NLN: variants seen among roughly 807,000 people sequenced by gnomAD.
NLN encodes the protein neurolysin, mitochondrial.
NLN carries 64 observed loss-of-function variants against 79.9 expected under a neutral mutation model. The observed-to-expected ratio is 0.80, with a 90% CI of 0.65 to 0.99. The LOEUF (loss-of-function observed/expected upper bound fraction) is 0.99. Ranked by LOEUF, NLN falls within the 50% of genes least tolerant of loss-of-function variation. NLN has a pLI of 0.00. For synonymous variants in NLN, 267 were observed against 296.6 expected (o/e 0.90, Z 1.02); for missense variants, 835 against 858.7 (o/e 0.97, Z 0.34).
intron 9 of NLN, among the ~76,000 whole-genome samples, chr5:65,797,775 G>A (rs1262710064): frequency 6.6e-6 from 1 of 152,136 alleles, no homozygotes; most frequent in Non-Finnish European, 1.5e-5. Flanking sequence ...CTAGAAAGGG[G>A]GTAAAAAAGA....
At chr5:65,753,951 C>G (rs1401775052) in intron 1 of NLN, among the ~76,000 whole-genome samples, 2 of 152,156 alleles carry the variant, frequency 1.3e-5, no homozygotes, top group African/African-American at 4.8e-5. Flanking sequence ...AAATCCTGAA[C>G]TGAACATCTT....
At chr5:65,797,071 G>A (rs1760187774) in intron 9 of NLN, among the ~76,000 whole-genome samples, 1 of 152,340 alleles carries the variant, frequency 6.6e-6, no homozygotes, top group Non-Finnish European at 1.5e-5. Context: ...CGTTTACAGG[G>A]TAGGTAGGTA....
chr5:65,767,169 C>G (rs2150750203), intron 3 of NLN, among the ~76,000 whole-genome samples: 1 of 152,342 alleles, frequency 6.6e-6, no homozygotes, highest in Admixed American at 6.5e-5. Flanking sequence ...GGCTCCTGTG[C>G]CACATTTCCC....
intron 2 of NLN, 104 bp from the exon 3 acceptor site, chr5:65,762,856 C>A: frequency 8.7e-7 from 1 of 1,146,318 alleles, no homozygotes; most frequent in Non-Finnish European, 1.2e-6. Context: ...TAAAATAAAA[C>A]AAACTTTTAT....
intron 1 of NLN, among the ~76,000 whole-genome samples, chr5:65,744,760 AGCTACTCAAGGG>A (rs1024769161): frequency 1.3e-5 from 2 of 152,172 alleles, no homozygotes; most frequent in Non-Finnish European, 2.9e-5. Context: ...TTTGTATTCC[AGCTACTCAAGGG>A]GCCAAGGTGG....
Position 65,792,720 on chromosome 5 carries a change from G to A in NLN, c.1527+65G>A, listed in dbSNP as rs772460421. ...TTTTTTAGAAAACTTCTTGACTGCTGTCAGGTTTCTGCTCCTAACAGGTTT... is the reference window on the plus strand; with the variant it reads ...TTTTTTAGAAAACTTCTTGACTGCTATCAGGTTTCTGCTCCTAACAGGTTT... On this transcript the variant is annotated intron_variant, in intron 9 of 12. Transcript: ENST00000380985. 3.9e-6 allele frequency: 5 copies of A among 1,287,386 alleles called. No individual in the cohort carries two copies. In the East Asian group the frequency reaches 9.2e-5, roughly 24 times the overall value. 79.7% of individuals were successfully genotyped at this position (1,287,386 alleles called of 1,614,324 possible). A position where few individuals can be genotyped will look rare whatever the true frequency, so the allele number is the denominator to read the frequency against.
intron 9 of NLN, among the ~76,000 whole-genome samples, chr5:65,804,931 C>CT (rs1245081652): frequency 6.6e-6 from 1 of 152,194 alleles, no homozygotes; most frequent in Non-Finnish European, 1.5e-5. Flanking sequence ...CCAGGCAAGT[C>CT]TGTCAGTGCA....
chr5:65,738,987 T>TA (rs1483825965), intron 1 of NLN, among the ~76,000 whole-genome samples: 403 of 5,100 alleles, frequency 0.079, 7 homozygotes, highest in African/African-American at 0.17. Flanking sequence ...ATATTATATA[T>TA]TTATATATAT....
At chr5:65,786,196 T>C (rs774405025) in intron 7 of NLN, 290 of 248,790 alleles carry the variant, frequency 1.2e-3, no homozygotes, top group Middle Eastern at 4.8e-3. Flanking sequence ...CTAAAGTTAC[T>C]GGCTTTATTC....
At position 65,788,374 on chromosome 5, in the gene NLN, T is replaced by G. The variant is rs1223125012; in HGVS notation, c.1215T>G (p.Phe405Leu). Residue 405 changes from phenylalanine (F) to leucine (L), a missense_variant, in exon 8 of 13, where the codon TTT becomes TTG. Coordinates refer to ENST00000380985, the MANE Select transcript of NLN (RefSeq NM_020726.5). ...ACCAGGAGTTGTTGGGACTTTCATTTGAACAAATGACAGATGCTCATGTTT... is the reference window on the plus strand; with the variant it reads ...ACCAGGAGTTGTTGGGACTTTCATTGGAACAAATGACAGATGCTCATGTTT... Reference protein sequence around the residue: ...NTYQELLGLSFEQMTDAHVWN... With the variant: ...NTYQELLGLSLEQMTDAHVWN... The G allele has an allele frequency of 6.8e-6, 11 of 1,614,080 alleles. No homozygotes were observed. The highest frequency in any genetic ancestry group is 9.3e-6 in the Non-Finnish European group (11 of 1,180,020).
At chr5:65,804,551 A>G (rs1223040794) in intron 9 of NLN, among the ~76,000 whole-genome samples, 1 of 151,952 alleles carries the variant, frequency 6.6e-6, no homozygotes, top group Non-Finnish European at 1.5e-5. Flanking sequence ...TTTGTTTTTG[A>G]TGGAGTCACA....
intron 9 of NLN, among the ~76,000 whole-genome samples, chr5:65,795,857 C>CT (rs1760163487): frequency 1.3e-5 from 2 of 152,018 alleles, no homozygotes; most frequent in Non-Finnish European, 1.5e-5. Flanking sequence ...AAATATTTTT[C>CT]TTAATTTTAG....
At chr5:65,777,347 A>G (rs75915032) in intron 3 of NLN, 80 bp from the exon 4 acceptor site, 10,007 of 911,696 alleles carry the variant, frequency 0.011, 117 homozygotes, top group South Asian at 0.026. Context: ...GATGATGAAT[A>G]AATTTGCTGT....
intron 5 of NLN, among the ~76,000 whole-genome samples, chr5:65,780,952 A>G (rs1258266800): frequency 6.6e-6 from 1 of 152,152 alleles, no homozygotes; most frequent in Non-Finnish European, 1.5e-5. Flanking sequence ...GATTACACGC[A>G]TGAGCCACTG....
intron 2 of NLN, among the ~76,000 whole-genome samples, chr5:65,761,772 T>C (rs1759345586): frequency 6.6e-6 from 1 of 152,210 alleles, no homozygotes; most frequent in Admixed American, 6.5e-5. Flanking sequence ...CCTTATGGAT[T>C]TATTCTGATA....
At chr5:65,752,381 A>G (rs775467086) in intron 1 of NLN, among the ~76,000 whole-genome samples, 6 of 152,242 alleles carry the variant, frequency 3.9e-5, no homozygotes, top group Admixed American at 6.5e-5. Context: ...TTAATTAGAC[A>G]ACTGGAATCT....
intron 9 of NLN, chr5:65,793,650 C>T (rs1307610832): frequency 1.3e-5 from 2 of 151,028 alleles, no homozygotes; most frequent in East Asian, 3.9e-4. Flanking sequence ...AAAAAGAAAA[C>T]CACCCAAAAA....
At position 65,825,512 on chromosome 5, in the gene NLN, G is replaced by A. The variant is rs1760898748; in HGVS notation, c.*2597G>A. 6.6e-6 allele frequency: 1 copy of A among 152,154 alleles called. No individual in the cohort carries two copies. Among genetic ancestry groups the A allele is most frequent in the African/African-American group, 2.4e-5 (1 of 41,424 alleles). The allele number at this position is 152,154 out of a possible 1,614,324, so 9.4% of individuals were successfully genotyped here. On this transcript the variant is annotated 3_prime_UTR_variant, in exon 13 of 13. Coordinates refer to ENST00000380985, the MANE Select transcript of NLN (RefSeq NM_020726.5). ...TAGTTTTACGATGCTGCAGAGAAGA[G>A]AAATGTCTTGACGTTTTGCCACCTG...
intron 1 of NLN, among the ~76,000 whole-genome samples, chr5:65,743,868 TC>T (rs1758917438): frequency 6.6e-6 from 1 of 152,144 alleles, no homozygotes; most frequent in Non-Finnish European, 1.5e-5. Context: ...TTACCTCTTA[TC>T]CCTCCACATC....
Sources: gnomAD v4.1 joint callset for allele counts (sites outside exome capture counted in the v4.1 genomes callset) on GRCh38, gnomAD v4.1.1 for gene constraint, MANE v1.5 for transcripts, NCBI Gene and HGNC (gene_info 2026-07-23, HGNC 2026-07-21) for gene names.